Variants in DPP6 observed in about 807,000 individuals in gnomAD.
DPP6 encodes dipeptidyl peptidase like 6, also known as A-type potassium channel modulatory protein DPP6.
DPP6 carries 69 observed loss-of-function variants against 122.6 expected under a neutral mutation model. That is an observed-to-expected ratio of 0.56 (90% CI 0.46 to 0.69). The LOEUF is 0.69. Among genes scored for constraint, DPP6 ranks in the 30% least tolerant of loss-of-function variants. DPP6 has a pLI of 0.00. For missense variants in DPP6, 928 were observed against 1,116.9 expected (o/e 0.83, Z 2.41); for synonymous variants, 418 against 433.1 (o/e 0.97, Z 0.43).
the DPP6 span, among the ~76,000 whole-genome samples, chr7:153,875,562 C>T: frequency 4.6e-5 from 7 of 151,986 alleles, no homozygotes; most frequent in East Asian, 1.2e-3. Flanking sequence ...CTCAAAGTTC[C>T]TTATTACCTG....
At chr7:154,002,235 CCT>C (rs1311204368) in intron 1 of DPP6, among the ~76,000 whole-genome samples, 1 of 151,874 alleles carries the variant, frequency 6.6e-6, no homozygotes, top group African/African-American at 2.4e-5. Flanking sequence ...ATTTTTGTAT[CCT>C]ACGGACAATG....
At chr7:153,860,318 C>T in the DPP6 span, among the ~76,000 whole-genome samples, 1 of 152,278 alleles carries the variant, frequency 6.6e-6, no homozygotes, top group South Asian at 2.1e-4. Context: ...TGCCTCTCCA[C>T]CCTGCTCAGT....
chr7:154,790,130 G>C (rs975918058), intron 10 of DPP6, among the ~76,000 whole-genome samples: 1 of 152,146 alleles, frequency 6.6e-6, no homozygotes, highest in Non-Finnish European at 1.5e-5. Flanking sequence ...CCCAGGAGGC[G>C]GAGGTTGCAG....
chr7:153,758,648 A>G, the DPP6 span, among the ~76,000 whole-genome samples: 1 of 152,144 alleles, frequency 6.6e-6, no homozygotes, highest in Non-Finnish European at 1.5e-5. Context: ...TAGTCTGACA[A>G]CTTTCACTAA....
chr7:154,164,927 T>C (rs1190719210), intron 1 of DPP6, among the ~76,000 whole-genome samples: 1 of 152,236 alleles, frequency 6.6e-6, no homozygotes, highest in Non-Finnish European at 1.5e-5. Context: ...CTATGAACTG[T>C]TATGCTCAAG....
chr7:154,720,646 C>CT (rs563434329), intron 7 of DPP6, among the ~76,000 whole-genome samples: 79 of 152,336 alleles, frequency 5.2e-4, no homozygotes, highest in Middle Eastern at 6.8e-3. Flanking sequence ...TTGGGTGTTT[C>CT]AACAGCATCT....
chr7:154,241,205 G>GTGTGTGTGTGTA lies in DPP6; in HGVS notation c.243+188153_243+188154insATGTGTGTGTGT, dbSNP rs1801581604. The stretch of plus-strand genomic sequence containing the variant: ...TCAATATGTGTGTGTGTGTGTGTGT[G>GTGTGTGTGTGTA]TGTGTGTGTGTGTGTATATATATAT... On this transcript the variant is annotated intron_variant, in intron 1 of 25. Coordinates refer to ENST00000377770, the MANE Select transcript of DPP6 (RefSeq NM_130797.4). This position sits in a 1 kb window ranked among gnomAD's most constrained non-coding sequence, Gnocchi z 9.0. Among the ~76,000 whole-genome samples, 1 of 149,462 alleles carries GTGTGTGTGTGTA rather than the reference G, an allele frequency of 6.7e-6. No homozygotes were observed. The highest frequency in any genetic ancestry group is 1.5e-5 in the Non-Finnish European group (1 of 67,910).
intron 1 of DPP6, among the ~76,000 whole-genome samples, chr7:154,091,905 C>G (rs1234806594): frequency 6.6e-6 from 1 of 152,198 alleles, no homozygotes; most frequent in East Asian, 1.9e-4. Flanking sequence ...TTGCAAAACT[C>G]TCACATCAGT....
chr7:154,609,453 C>T (rs1001109262), intron 5 of DPP6, among the ~76,000 whole-genome samples: 1 of 152,178 alleles, frequency 6.6e-6, no homozygotes, highest in African/African-American at 2.4e-5. Context: ...AAATTTAATG[C>T]CCTTGTTTCT....
chr7:154,615,788 T>A (rs1485951543), intron 5 of DPP6, among the ~76,000 whole-genome samples: 1 of 152,160 alleles, frequency 6.6e-6, no homozygotes, highest in South Asian at 2.1e-4. Flanking sequence ...CCTTTCCTAC[T>A]CTTACCATTC....
Position 154,062,001 on chromosome 7 carries a change from G to C in DPP6, c.243+8938G>C, listed in dbSNP as rs1469155065. On this transcript the variant is annotated intron_variant, in intron 1 of 25. Transcript: ENST00000377770. ...TCCCCTCTTCCGCCCCTGGCTGTTG[G>C]TACCCCCATCGCAGGGGGGGGGAGG... Among the ~76,000 whole-genome samples, 27 of 116,416 alleles carry C rather than the reference G, an allele frequency of 2.3e-4. 4 individuals carry two copies. In the South Asian group the frequency reaches 3.7e-3, roughly 16 times the overall value. 76.4% of individuals were successfully genotyped at this position (116,416 alleles called of 152,430 possible). A position where few individuals can be genotyped will look rare whatever the true frequency, so the allele number is the denominator to read the frequency against.
intron 6 of DPP6, among the ~76,000 whole-genome samples, chr7:154,668,785 G>A (rs914534988): frequency 5.3e-5 from 8 of 151,994 alleles, no homozygotes; most frequent in Non-Finnish European, 1.0e-4. Flanking sequence ...TTGTTGTGGT[G>A]GTATTGGTAT....
At chr7:154,639,809 G>A (rs182467788) in intron 6 of DPP6, among the ~76,000 whole-genome samples, 1 of 152,174 alleles carries the variant, frequency 6.6e-6, no homozygotes, top group African/African-American at 2.4e-5. Flanking sequence ...TTATTGGTTA[G>A]CTTTCATATA....
intron 1 of DPP6, among the ~76,000 whole-genome samples, chr7:153,944,002 T>TC (rs1313099858): frequency 6.6e-6 from 1 of 152,170 alleles, no homozygotes; most frequent in Non-Finnish European, 1.5e-5. Flanking sequence ...CTCCACGGTT[T>TC]CCCCACTTAG....
chr7:154,397,215 T>A (rs1279401363), intron 1 of DPP6, among the ~76,000 whole-genome samples: 4 of 151,260 alleles, frequency 2.6e-5, no homozygotes, highest in Non-Finnish European at 5.9e-5. Flanking sequence ...ATGAAGGCAC[T>A]TCTGATGTTT....
intron 1 of DPP6, among the ~76,000 whole-genome samples, chr7:153,912,572 A>G (rs1317961326): frequency 6.6e-6 from 1 of 152,228 alleles, no homozygotes; most frequent in African/African-American, 2.4e-5. Context: ...TATTTGTAAG[A>G]GGAAAGCAAT....
intron 1 of DPP6, among the ~76,000 whole-genome samples, chr7:153,958,196 C>T (rs1381284796): frequency 6.6e-6 from 1 of 152,072 alleles, no homozygotes; most frequent in Non-Finnish European, 1.5e-5. Flanking sequence ...AGATAGACCA[C>T]AAAATAGACA....
chr7:154,045,833 C>A (rs1395967245), intron 1 of DPP6, among the ~76,000 whole-genome samples: 1 of 152,208 alleles, frequency 6.6e-6, no homozygotes, highest in Non-Finnish European at 1.5e-5. Flanking sequence ...TGCATGAAAG[C>A]AAGTTCACTG....
At chr7:154,263,231 CTG>C (rs1585773318) in intron 1 of DPP6, among the ~76,000 whole-genome samples, 1 of 152,234 alleles carries the variant, frequency 6.6e-6, no homozygotes, top group Non-Finnish European at 1.5e-5. Flanking sequence ...TCAACAGAAA[CTG>C]TAATGTGACA....
Sources: allele counts gnomAD v4.1 joint callset (sites outside exome capture counted in the v4.1 genomes callset), GRCh38; gene constraint gnomAD v4.1.1; non-coding constraint Gnocchi (gnomAD v3.1); transcripts MANE v1.5; gene names NCBI Gene and HGNC (gene_info 2026-07-23, HGNC 2026-07-21).